Variants in LDLRAD3 observed in about 807,000 individuals in gnomAD.
LDLRAD3 encodes low-density lipoprotein receptor class A domain-containing protein 3.
LDLRAD3 carries 20 observed loss-of-function variants against 29.4 expected under a neutral mutation model. The observed-to-expected ratio is 0.68, with a 90% CI of 0.48 to 0.99. The LOEUF is 0.99. Ranked by LOEUF, LDLRAD3 falls within the 50% of genes least tolerant of loss-of-function variation. The probability of loss-of-function intolerance (pLI) is 0.00; values close to 1 mark genes in which losing one functional copy is unlikely to be tolerated. For synonymous variants in LDLRAD3, 157 were observed against 192.7 expected, an observed-to-expected ratio of 0.81 and a Z score of 1.53; for missense variants, 420 against 454.3, an observed-to-expected ratio of 0.92 and a Z score of 0.69.
At chr11:36,031,396 T>A (rs1202252176) in intron 1 of LDLRAD3, among the ~76,000 whole-genome samples, 1 of 152,152 alleles carries the variant, frequency 6.6e-6, no homozygotes, top group African/African-American at 2.4e-5. Context: ...TGTCCCTTAT[T>A]TTAACTATGT....
intron 2 of LDLRAD3, among the ~76,000 whole-genome samples, chr11:36,036,617 A>G (rs900783753): frequency 7.9e-5 from 12 of 152,012 alleles, no homozygotes; most frequent in African/African-American, 2.9e-4. Context: ...TGGACTTGGG[A>G]ACCCAGGGCT....
chr11:36,139,544 C>T (rs975696011), intron 4 of LDLRAD3, among the ~76,000 whole-genome samples: 4 of 152,148 alleles, frequency 2.6e-5, no homozygotes, highest in Non-Finnish European at 5.9e-5. Context: ...TTTTCAGTCG[C>T]TTCATGTATA....
chr11:36,188,232 G>C (rs35122223), intron 4 of LDLRAD3, among the ~76,000 whole-genome samples: 1 of 151,914 alleles, frequency 6.6e-6, no homozygotes, highest in Non-Finnish European at 1.5e-5. Context: ...GGGAGTAAAT[G>C]ATATGACTAC....
At chr11:35,985,937 G>A (rs1851609562) in intron 1 of LDLRAD3, among the ~76,000 whole-genome samples, 1 of 151,894 alleles carries the variant, frequency 6.6e-6, no homozygotes, top group Non-Finnish European at 1.5e-5. Context: ...TTTATGGTGT[G>A]TGGAAGGTGC....
chr11:36,100,742 CAGTT>C (rs948426919), intron 4 of LDLRAD3, among the ~76,000 whole-genome samples: 2 of 152,198 alleles, frequency 1.3e-5, no homozygotes, highest in Non-Finnish European at 2.9e-5. Flanking sequence ...CCGGCCTATA[CAGTT>C]TCTTAAGTGT....
intron 1 of LDLRAD3, among the ~76,000 whole-genome samples, chr11:36,020,486 G>T (rs1174433406): frequency 6.6e-6 from 1 of 152,088 alleles, no homozygotes; most frequent in African/African-American, 2.4e-5. Context: ...GGAAGCAACT[G>T]TCCATTTTTC....
chr11:36,001,181 T>A (rs1851819350), intron 1 of LDLRAD3: 1 of 152,204 alleles, frequency 6.6e-6, no homozygotes, highest in Non-Finnish European at 1.5e-5. Context: ...GTCTGGCTTG[T>A]CAGTTGTAAG....
chr11:36,029,616 G>T (rs1185369199), intron 1 of LDLRAD3, among the ~76,000 whole-genome samples: 1 of 152,164 alleles, frequency 6.6e-6, no homozygotes, highest in African/African-American at 2.4e-5. Context: ...CAGCTATCAG[G>T]CCCTTAATGA....
intron 2 of LDLRAD3, among the ~76,000 whole-genome samples, chr11:36,055,499 C>T (rs35937442): frequency 0.022 from 3,311 of 152,320 alleles, 50 homozygotes; most frequent in Non-Finnish European, 0.036. Flanking sequence ...GGCAGCCTCA[C>T]TGGCTTCTCC....
intron 4 of LDLRAD3, among the ~76,000 whole-genome samples, chr11:36,173,848 ATTGGAAAAAAACTACT>A (rs60087898): frequency 0.8 from 121,059 of 151,650 alleles, 50,477 homozygotes; most frequent in Non-Finnish European, 0.92. Flanking sequence ...TCTTCACAGA[ATTGGAAAAAAACTACT>A]TTAAAGTTCA....
rs190791970 is a variant in LDLRAD3 at position 36,160,382 on chromosome 11, A to G, written c.454+61921A>G. Among the ~76,000 whole-genome samples the G allele has an allele frequency of 3.2e-4, 49 of 152,294 alleles. 1 individual carries two copies. The South Asian group carries it at 7.3e-3, about 23-fold the overall frequency. Reference sequence around the variant, plus strand: ...GATAAGGCCCGTGGGAGTGAATGGCAGCTTAGCGACCCCTGTTGCACCAAA... The same window carrying G: ...GATAAGGCCCGTGGGAGTGAATGGCGGCTTAGCGACCCCTGTTGCACCAAA... On this transcript the variant is annotated intron_variant, in intron 4 of 5. Coordinates refer to ENST00000315571, the MANE Select transcript of LDLRAD3 (RefSeq NM_174902.4).
intron 4 of LDLRAD3, among the ~76,000 whole-genome samples, chr11:36,143,338 G>A (rs773834180): frequency 7.9e-5 from 12 of 152,200 alleles, no homozygotes; most frequent in Non-Finnish European, 1.5e-4. Context: ...CCTCTTTCCC[G>A]TGGTGGCCTT....
At chr11:36,080,277 C>T (rs1230644061) in intron 2 of LDLRAD3, among the ~76,000 whole-genome samples, 1 of 152,190 alleles carries the variant, frequency 6.6e-6, no homozygotes, top group East Asian at 1.9e-4. Context: ...AGCCGGAGCA[C>T]CAGAACCATT....
At chr11:36,142,640 G>A (rs77966492) in intron 4 of LDLRAD3, among the ~76,000 whole-genome samples, 3,166 of 152,246 alleles carry the variant, frequency 0.021, 94 homozygotes, top group African/African-American at 0.072. Context: ...AAGCCAGGTG[G>A]GAGGGGCAGT....
chr11:36,172,741 G>A (rs1378922328), intron 4 of LDLRAD3, among the ~76,000 whole-genome samples: 1 of 152,046 alleles, frequency 6.6e-6, no homozygotes, highest in Non-Finnish European at 1.5e-5. Flanking sequence ...TCATTTTGTT[G>A]AGGATTTTTG....
intron 3 of LDLRAD3, among the ~76,000 whole-genome samples, chr11:36,093,487 G>A (rs1177929688): frequency 1.3e-5 from 2 of 151,316 alleles, no homozygotes; most frequent in Non-Finnish European, 2.9e-5. Context: ...GCATTCTCTT[G>A]CATGGGGTAA....
intron 2 of LDLRAD3, among the ~76,000 whole-genome samples, chr11:36,038,242 T>A (rs1852330082): frequency 6.6e-6 from 1 of 152,174 alleles, no homozygotes; most frequent in Admixed American, 6.5e-5. Context: ...TATGTCTATT[T>A]TAGCTTTTCT....
chr11:35,953,238 C>G (rs1201281675), intron 1 of LDLRAD3, among the ~76,000 whole-genome samples: 1 of 152,188 alleles, frequency 6.6e-6, no homozygotes, highest in Non-Finnish European at 1.5e-5. Flanking sequence ...GATGTTGTCT[C>G]TGTCCTGGCG....
At chr11:36,093,234 T>C (rs943915282) in intron 3 of LDLRAD3, among the ~76,000 whole-genome samples, 1 of 152,164 alleles carries the variant, frequency 6.6e-6, no homozygotes, top group Non-Finnish European at 1.5e-5. Context: ...AAAAGTAAAG[T>C]AAAATGAACA....
Sources: gnomAD v4.1 joint callset for allele counts (sites outside exome capture counted in the v4.1 genomes callset) on GRCh38, gnomAD v4.1.1 for gene constraint, MANE v1.5 for transcripts, NCBI Gene and HGNC (gene_info 2026-07-23, HGNC 2026-07-21) for gene names.